Variants in ATP1B3 observed in about 807,000 individuals in gnomAD.
ATP1B3 encodes sodium/potassium-transporting ATPase subunit beta-3.
In ATP1B3, 10 loss-of-function variants were observed where a neutral mutation model predicts 30.2. That is an observed-to-expected ratio of 0.33 (90% CI 0.20 to 0.56). The LOEUF (loss-of-function observed/expected upper bound fraction) is 0.56. Ranked by LOEUF, ATP1B3 falls within the 20% of genes least tolerant of loss-of-function variation. The pLI, the probability that ATP1B3 is intolerant of heterozygous loss-of-function variation, is 0.90. For synonymous variants in ATP1B3, 113 were observed against 117.0 expected (o/e 0.97, Z 0.22); for missense variants, 238 against 336.7 (o/e 0.71, Z 2.29).
intron 4 of ATP1B3, 67 bp from the exon 5 acceptor site, chr3:141,915,903 A>G: frequency 7.7e-7 from 1 of 1,305,282 alleles, no homozygotes; most frequent in South Asian, 1.4e-5. Context: ...GTTCCCAGCA[A>G]CAGAGGGAGG....
Position 141,922,058 on chromosome 3 carries a change from C to A in ATP1B3, c.664C>A (p.Leu222Met), listed in dbSNP as rs754047504. The A allele has an allele frequency of 7.3e-6, 11 of 1,515,186 alleles. No individual in the cohort carries two copies. Among genetic ancestry groups the A allele is most frequent in the Non-Finnish European group, 9.9e-6 (11 of 1,108,418 alleles). 93.9% of individuals were successfully genotyped at this position (1,515,186 alleles called of 1,614,324 possible). A position where few individuals can be genotyped will look rare whatever the true frequency, so the allele number is the denominator to read the frequency against. Residue 222 changes from leucine to methionine, a missense_variant, in exon 6 of 7, where the codon CTG becomes ATG. Leu to Met is a conservative substitution (Grantham distance 15). Around this residue, in one of 3 missense-constraint regions of ATP1B3, gnomAD observed 58 missense variants for 125.6 expected, o/e 0.46. Transcript: ENST00000286371. ...ATATTTCCCATATTATGGGAAAAAA[C>A]TGCATGTAAGTATTGAGAAGTTCTT... is the stretch of plus-strand genomic sequence containing the variant. ...LKYFPYYGKK[L>M]HVGYLQPLVA...
At chr3:141,886,396 G>A (rs1313501951) in intron 1 of ATP1B3, among the ~76,000 whole-genome samples, 1 of 152,116 alleles carries the variant, frequency 6.6e-6, no homozygotes, top group Non-Finnish European at 1.5e-5. Context: ...ATATGCTCAG[G>A]TGGAAATAAT....
chr3:141,903,891 C>A, intron 2 of ATP1B3, 143 bp downstream of exon 2: 1 of 957,432 alleles, frequency 1.0e-6, no homozygotes, highest in Non-Finnish European at 1.5e-6. Context: ...AAGCGATTCT[C>A]CTGCCTCCTC....
chr3:141,913,381 C>T (rs1934403265), intron 3 of ATP1B3, among the ~76,000 whole-genome samples: 1 of 152,142 alleles, frequency 6.6e-6, no homozygotes. Flanking sequence ...TCAGATAATG[C>T]TTTAGCCATG....
chr3:141,885,751 G>A (rs1057271953), intron 1 of ATP1B3, among the ~76,000 whole-genome samples: 5 of 152,062 alleles, frequency 3.3e-5, no homozygotes, highest in East Asian at 1.9e-4. Flanking sequence ...CCTGACCAGC[G>A]CATGCCTTTT....
At chr3:141,877,001 T>A (rs574273384) in intron 1 of ATP1B3, 91 bp downstream of exon 1, 1 of 1,035,022 alleles carries the variant, frequency 9.7e-7, no homozygotes, top group African/African-American at 1.7e-5. Flanking sequence ...GGGAGGCGGC[T>A]CCCAGCGCCG....
At chr3:141,879,921 G>A (rs1933691046) in intron 1 of ATP1B3, among the ~76,000 whole-genome samples, 1 of 149,080 alleles carries the variant, frequency 6.7e-6, no homozygotes, top group African/African-American at 2.5e-5. Context: ...GTAGGTGGTG[G>A]GAGAAAAAGA....
intron 1 of ATP1B3, chr3:141,903,132 G>A (rs1934195825): frequency 6.5e-6 from 1 of 154,918 alleles, no homozygotes; most frequent in Non-Finnish European, 1.4e-5. Flanking sequence ...CATTACAGGT[G>A]GGAGCCATTA....
intron 1 of ATP1B3, among the ~76,000 whole-genome samples, chr3:141,891,120 A>T (rs1223423744): frequency 1.3e-5 from 2 of 152,170 alleles, no homozygotes; most frequent in African/African-American, 4.8e-5. Context: ...CAATGATATG[A>T]ATTGGCAACT....
intron 1 of ATP1B3, among the ~76,000 whole-genome samples, chr3:141,899,902 A>C (rs1213570777): frequency 6.6e-6 from 1 of 152,108 alleles, no homozygotes; most frequent in South Asian, 2.1e-4. Flanking sequence ...GTGGTGGCAC[A>C]CAACTGTAGT....
chr3:141,917,345 C>T (rs1004311641), intron 5 of ATP1B3, among the ~76,000 whole-genome samples: 5 of 152,094 alleles, frequency 3.3e-5, no homozygotes, highest in East Asian at 1.9e-4. Context: ...TGTGTGACCA[C>T]TGGCAATTCA....
chr3:141,881,303 A>G (rs78866671), intron 1 of ATP1B3, among the ~76,000 whole-genome samples: 1 of 152,246 alleles, frequency 6.6e-6, no homozygotes, highest in East Asian at 1.9e-4. Context: ...TATCTTTATT[A>G]AGGTGGTCTG....
chr3:141,904,677 T>C (rs1211582379), intron 2 of ATP1B3, among the ~76,000 whole-genome samples: 4 of 150,116 alleles, frequency 2.7e-5, no homozygotes, highest in African/African-American at 7.3e-5. Context: ...ATTTTCTACC[T>C]CCTGATTTTA....
At chr3:141,916,275 T>G in intron 5 of ATP1B3, 1 of 501,864 alleles carries the variant, frequency 2.0e-6, no homozygotes, top group South Asian at 1.6e-5. Flanking sequence ...ATTCTAAGAT[T>G]CACTTTTTTT....
intron 6 of ATP1B3, 62 bp downstream of exon 6, chr3:141,922,125 C>CCTACCCCAGACAAGTG: frequency 1.0e-6 from 1 of 1,003,212 alleles, no homozygotes; most frequent in Non-Finnish European, 1.5e-6. Flanking sequence ...CATGTGTTGA[C>CCTACCCCAGACAAGTG]GTACCACTTG....
chr3:141,876,751 G>T lies in ATP1B3; in HGVS notation c.-51G>T, dbSNP rs1397606046. Reference sequence around the variant, plus strand: ...GCCGGGACGCGCCTCCGCAGCCCTCGCCGCCTCCATCCCCGCGGCCGCAGC... The same window carrying T: ...GCCGGGACGCGCCTCCGCAGCCCTCTCCGCCTCCATCCCCGCGGCCGCAGC... On this transcript the variant is annotated 5_prime_UTR_variant, in exon 1 of 7. Transcript: ENST00000286371. 13 of 1,470,354 alleles carry T rather than the reference G, an allele frequency of 8.8e-6. No individual in the cohort carries two copies. Among genetic ancestry groups the T allele is most frequent in the South Asian group, 8.2e-5 (7 of 85,428 alleles). The allele number at this position is 1,470,354 out of a possible 1,614,324, so 91.1% of individuals were successfully genotyped here. A position where few individuals can be genotyped will look rare whatever the true frequency, so the allele number is the denominator to read the frequency against.
rs1934572750 is a variant in ATP1B3, at chr3:141,922,059, T to C, written c.665T>C (p.Leu222Pro). ...TATTTCCCATATTATGGGAAAAAAC[T>C]GCATGTAAGTATTGAGAAGTTCTTA... The part of the protein sequence containing the change: ...LKYFPYYGKK[L>P]HVGYLQPLVA... The change falls in exon 6 of 7, where the codon CTG becomes CCG. Residue 222 changes from leucine to proline, a missense_variant. Physicochemically the swap from Leu to Pro is moderately conservative, Grantham distance 98. Transcript: ENST00000286371. 1 of 1,511,064 alleles carries C rather than the reference T, an allele frequency of 6.6e-7. No individual in the cohort carries two copies. Among genetic ancestry groups the C allele is most frequent in the African/African-American group, 1.4e-5 (1 of 72,090 alleles). 93.6% of individuals were successfully genotyped at this position (1,511,064 alleles called of 1,614,324 possible). A position where few individuals can be genotyped will look rare whatever the true frequency, so the allele number is the denominator to read the frequency against.
chr3:141,895,819 A>G (rs1158663726), intron 1 of ATP1B3, among the ~76,000 whole-genome samples: 1 of 152,234 alleles, frequency 6.6e-6, no homozygotes, highest in Non-Finnish European at 1.5e-5. Context: ...AACAACAGCA[A>G]CAAAAAACAT....
In ATP1B3 at chr3:141,912,414, G is replaced by A. The variant is rs1282987068; in HGVS notation, c.347-1238G>A. 5.9e-5 allele frequency among the ~76,000 whole-genome samples: 9 copies of A among 152,062 alleles called. No individual in the cohort carries two copies. In the South Asian group the frequency reaches 6.2e-4, roughly 11 times the overall value. ...GCTGGGATTACAGGCACCTGCCACC[G>A]CACCCAGCTAATTTTTTTGTGTATT... On this transcript the variant is annotated intron_variant, in intron 3 of 6. Transcript: ENST00000286371.
Sources: allele counts gnomAD v4.1 joint callset (sites outside exome capture counted in the v4.1 genomes callset), GRCh38; gene constraint gnomAD v4.1.1; regional missense constraint gnomAD v4.1.1; transcripts MANE v1.5; gene names NCBI Gene and HGNC (gene_info 2026-07-23, HGNC 2026-07-21).